The following FAM83H variants were observed in gnomAD, a reference collection of about 807,000 sequenced individuals.
FAM83H encodes the protein scaffolding CK1 anchoring protein H.
In FAM83H, 24 loss-of-function variants were observed where a neutral mutation model predicts 30.2. The ratio of observed to expected loss-of-function variants is 0.79; its 90% CI spans 0.57 to 1.12. FAM83H has a LOEUF of 1.12. Among genes scored for constraint, FAM83H ranks in the 50% most tolerant of loss-of-function variants. FAM83H has a pLI of 0.00. For synonymous variants in FAM83H, 1,013 were observed against 821.7 expected (o/e 1.23, Z -3.98); for missense variants, 2,038 against 1,773.9 (o/e 1.15, Z -2.67).
At chr8:143,732,653 G>A (rs1192982238) in intron 1 of FAM83H, 1 of 985,276 alleles carries the variant, frequency 1.0e-6, no homozygotes, top group African/African-American at 1.7e-5. Flanking sequence ...ACAGGGTGAT[G>A]CCCAGACCTC....
Position 143,726,070 on chromosome 8 carries a change from G to A in FAM83H, c.3391C>T (p.Arg1131Cys). The change falls in exon 5 of 5, where the codon CGC (arginine) becomes TGC (cysteine). Residue 1131 changes from arginine (R) to cysteine (C), a missense_variant. By Grantham distance (180) the Arg-to-Cys change is radical. Coordinates refer to ENST00000388913, the MANE Select transcript of FAM83H (RefSeq NM_198488.5). ...RRMESMRKEK[R>C]VYSRFEVFCK... is the part of the protein sequence containing the mutation. ...AAGACCTCGAAGCGGCTGTACACGC[G>A]CTTCTCCTTGCGCATGCTCTCCATG... 6.2e-7 allele frequency: 1 copy of A among 1,612,016 alleles called. No homozygotes were observed. Among genetic ancestry groups the A allele is most frequent in the Non-Finnish European group, 8.5e-7 (1 of 1,179,664 alleles).
In FAM83H at chr8:143,726,225, A is replaced by G. The variant is rs1554621634; in HGVS notation, c.3236T>C (p.Val1079Ala). 6.2e-7 allele frequency: 1 copy of G among 1,612,232 alleles called. No homozygotes were observed. Among genetic ancestry groups the G allele is most frequent in the East Asian group, 2.2e-5 (1 of 44,866 alleles). The part of the protein sequence containing the change: ...PELGRPPAAG[V>A]LAPDMSDKDK... ...CTTGTCGGACATATCTGGGGCCAGG[A>G]CGCCAGCAGCCGGTGGACGGCCTAG... is the stretch of plus-strand genomic sequence containing the variant. Residue 1079 changes from valine (V) to alanine (A), a missense_variant, in exon 5 of 5, where the codon GTC becomes GCC. Transcript: ENST00000388913.
Position 143,724,496 on chromosome 8 carries a change from G to A in FAM83H, c.*1425C>T, listed in dbSNP as rs1022777042. The A allele has an allele frequency of 2.0e-5, 3 of 152,172 alleles. No homozygotes were observed. Among genetic ancestry groups the A allele is most frequent in the Non-Finnish European group, 4.4e-5 (3 of 68,042 alleles). 9.4% of individuals were successfully genotyped at this position (152,172 alleles called of 1,614,324 possible). A position where few individuals can be genotyped will look rare whatever the true frequency, so the allele number is the denominator to read the frequency against. On this transcript the variant is annotated 3_prime_UTR_variant, in exon 5 of 5. Coordinates refer to ENST00000388913, the MANE Select transcript of FAM83H (RefSeq NM_198488.5). ...TGAGTCAATTGCAATTCCTCTCTAG[G>A]AGTGAAAAGAGATAAAAGATAAGCC...
chr8:143,731,931 G>A (rs1818536793), intron 1 of FAM83H: 1 of 985,348 alleles, frequency 1.0e-6, no homozygotes, highest in Non-Finnish European at 1.2e-6. Flanking sequence ...CTCCCTGGAA[G>A]GAGAGCCCTA....
chr8:143,732,589 G>C, intron 1 of FAM83H: 1 of 985,370 alleles, frequency 1.0e-6, no homozygotes, highest in African/African-American at 1.7e-5. Flanking sequence ...GGACCATCCA[G>C]ACAGTGGAAG....
In FAM83H at chr8:143,725,889, G is replaced by A. The variant is rs1258480942; in HGVS notation, c.*32C>T. 11 of 1,609,152 alleles carry A rather than the reference G, an allele frequency of 6.8e-6. No individual in the cohort carries two copies. The highest frequency in any genetic ancestry group is 9.3e-6 in the Non-Finnish European group (11 of 1,178,240). On this transcript the variant is annotated 3_prime_UTR_variant, in exon 5 of 5. Transcript: ENST00000388913. ...CTGGATGACCGGGGCAGCGATGCGG[G>A]CACCCTGGCCTGGGTTGCCAGGCCA...
chr8:143,730,684 G>T, intron 1 of FAM83H, 87 bp from the exon 2 acceptor site: 2 of 983,252 alleles, frequency 2.0e-6, no homozygotes, highest in Non-Finnish European at 2.9e-6. Flanking sequence ...GGAAAGGGCC[G>T]TCAGTGACTT....
rs782263850 is a variant in FAM83H at position 143,728,182 on chromosome 8, G to A, written c.1279C>T (p.Arg427Trp). The change falls in exon 5 of 5, where the codon CGG (arginine) becomes TGG (tryptophan). Residue 427 changes from arginine (R) to tryptophan (W), a missense_variant. Transcript: ENST00000388913. The stretch of plus-strand genomic sequence containing the variant: ...AGGAACGTCTGCCGCGACACCTGCC[G>A]CGCGGCCGCGAAGTTCTCCACGGCG... ...AGAVENFAAARQVSRQTFLSH... is the reference protein window; with the variant it reads ...AGAVENFAAAWQVSRQTFLSH... The A allele has an allele frequency of 1.9e-6, 3 of 1,605,690 alleles. No homozygotes were observed. The highest frequency in any genetic ancestry group is 1.7e-5 in the Admixed American group (1 of 59,696).
Position 143,727,983 on chromosome 8 carries a change from G to A in FAM83H, c.1478C>T (p.Ala493Val). The A allele has an allele frequency of 6.3e-7, 1 of 1,580,076 alleles. No individual in the cohort carries two copies. Among genetic ancestry groups the A allele is most frequent in the Non-Finnish European group, 8.5e-7 (1 of 1,171,182 alleles). Residue 493 changes from alanine (A) to valine (V), a missense_variant, in exon 5 of 5, where the codon GCC becomes GTC. Coordinates refer to ENST00000388913, the MANE Select transcript of FAM83H (RefSeq NM_198488.5). ...FADPDDFTLG[A>V]GPRFPELGPD... ...TCCGAGCTCCGGGAAGCGGGGCCCGGCGCCCAGGGTGAAGTCATCCGGGTC... is the reference window on the plus strand; with the variant it reads ...TCCGAGCTCCGGGAAGCGGGGCCCGACGCCCAGGGTGAAGTCATCCGGGTC...
At chr8:143,731,130 A>C (rs1297823968) in intron 1 of FAM83H, among the ~76,000 whole-genome samples, 2 of 136,364 alleles carry the variant, frequency 1.5e-5, no homozygotes, top group African/African-American at 3.1e-5. Context: ...CCCCCCCCCC[A>C]AATATTTCAT....
rs782126174 is a variant in FAM83H, at chr8:143,727,484, C to T, written c.1977G>A (p.Glu659=). 1.3e-6 allele frequency: 2 copies of T among 1,569,170 alleles called. No homozygotes were observed. Among genetic ancestry groups the T allele is most frequent in the African/African-American group, 1.3e-5 (1 of 74,418 alleles). The change falls in exon 5 of 5, where the codon GAG becomes GAA. Residue 659 remains glutamate, a synonymous_variant. Transcript: ENST00000388913. The part of the protein sequence containing the change: ...GNGPEREGPE[E]PGLAKQDSFR... ...ATGAGTCCTGCTTGGCCAGGCCAGG[C>T]TCCTCCGGGCCCTCGCGCTCTGGGC...
At chr8:143,728,754 G>C (rs562054326) in intron 4 of FAM83H, 31 bp from the exon 5 acceptor site, 1 of 1,598,452 alleles carries the variant, frequency 6.3e-7, no homozygotes, top group Non-Finnish European at 8.5e-7. Flanking sequence ...GAGTCAAACC[G>C]AGCTGGAGCG....
Position 143,728,233 on chromosome 8 carries a change from G to T in FAM83H, c.1228C>A (p.His410Asn), listed in dbSNP as rs782512164. 6.3e-7 allele frequency: 1 copy of T among 1,587,388 alleles called. No individual in the cohort carries two copies. The highest frequency in any genetic ancestry group is 2.3e-5 in the East Asian group (1 of 43,928). Reference protein sequence around the residue: ...RHLEMDAFKRHSFATEGAGAV... With the variant: ...RHLEMDAFKRNSFATEGAGAV... The stretch of plus-strand genomic sequence containing the variant: ...CCCGCGCCCTCGGTCGCGAAGCTGT[G>T]CCGCTTGAAGGCGTCCATCTCCAGG... Residue 410 changes from histidine (H) to asparagine (N), a missense_variant, in exon 5 of 5, where the codon CAC becomes AAC. Physicochemically the swap from His to Asn is moderately conservative, Grantham distance 68 (BLOSUM62 1). Coordinates refer to ENST00000388913, the MANE Select transcript of FAM83H (RefSeq NM_198488.5).
rs1294039863 is a variant in FAM83H at position 143,724,561 on chromosome 8, G to A, written c.*1360C>T. ...GATTCTTGGTGTTGGTGACAAAGAG[G>A]AAAGGACCTGAGAATGGGGCTGGTG... On this transcript the variant is annotated 3_prime_UTR_variant, in exon 5 of 5. Transcript: ENST00000388913. The A allele has an allele frequency of 6.6e-6, 1 of 152,200 alleles. No homozygotes were observed. Among genetic ancestry groups the A allele is most frequent in the Admixed American group, 6.5e-5 (1 of 15,280 alleles). 9.4% of individuals were successfully genotyped at this position (152,200 alleles called of 1,614,324 possible).
At chr8:143,732,761 CCA>C in intron 1 of FAM83H, 6 of 984,270 alleles carry the variant, frequency 6.1e-6, no homozygotes, top group Non-Finnish European at 6.0e-6. Context: ...ATGGAGCACC[CCA>C]GTGGCCTGCA....
chr8:143,727,473 G>T lies in FAM83H; in HGVS notation c.1988C>A (p.Ala663Asp), dbSNP rs2129668130. ...GCGCGAGCGGAATGAGTCCTGCTTG[G>T]CCAGGCCAGGCTCCTCCGGGCCCTC... is the stretch of plus-strand genomic sequence containing the variant. ...EREGPEEPGLAKQDSFRSRLN... is the reference protein window; with the variant it reads ...EREGPEEPGLDKQDSFRSRLN... The change falls in exon 5 of 5, where the codon GCC becomes GAC. Residue 663 changes from alanine (A) to aspartate (D), a missense_variant. By Grantham distance (126) the Ala-to-Asp change is moderately radical (BLOSUM62 -2). Coordinates refer to ENST00000388913, the MANE Select transcript of FAM83H (RefSeq NM_198488.5). The T allele has an allele frequency of 6.4e-7, 1 of 1,569,712 alleles. No homozygotes were observed. Among genetic ancestry groups the T allele is most frequent in the South Asian group, 1.1e-5 (1 of 88,046 alleles).
chr8:143,725,506 G>A lies in FAM83H; in HGVS notation c.*415C>T, dbSNP rs1238556321. 10 of 241,274 alleles carry A rather than the reference G, an allele frequency of 4.1e-5. No individual in the cohort carries two copies. In the South Asian group the frequency reaches 6.7e-4, roughly 16 times the overall value. 14.9% of individuals were successfully genotyped at this position (241,274 alleles called of 1,614,324 possible). On this transcript the variant is annotated 3_prime_UTR_variant, in exon 5 of 5. Coordinates refer to ENST00000388913, the MANE Select transcript of FAM83H (RefSeq NM_198488.5). ...AGCTACTCAGGAGGCTGAGGCAGGA[G>A]AATCGCTGGAACCCGGGAGGCAGAG...
chr8:143,728,898 T>A, intron 4 of FAM83H, 69 bp downstream of exon 4: 1 of 1,609,160 alleles, frequency 6.2e-7, no homozygotes, highest in Admixed American at 1.7e-5. Flanking sequence ...GGCCCTGGTG[T>A]GGAAAGGGGG....
chr8:143,727,506 G>C lies in FAM83H; in HGVS notation c.1955C>G (p.Pro652Arg). Residue 652 changes from proline (P) to arginine (R), a missense_variant, in exon 5 of 5, where the codon CCA (proline) becomes CGA (arginine). Pro to Arg is a moderately radical substitution (Grantham distance 103, BLOSUM62 -2). Coordinates refer to ENST00000388913, the MANE Select transcript of FAM83H (RefSeq NM_198488.5). The stretch of plus-strand genomic sequence containing the variant: ...AGGCTCCTCCGGGCCCTCGCGCTCT[G>C]GGCCGTTGCCGCCGCTGCCCGGGCC... ...VPGPGSGGNG[P>R]EREGPEEPGL... The C allele has an allele frequency of 1.3e-6, 2 of 1,571,892 alleles. No individual in the cohort carries two copies. The highest frequency in any genetic ancestry group is 1.7e-6 in the Non-Finnish European group (2 of 1,166,514).
Sources: allele counts gnomAD v4.1 joint callset (sites outside exome capture counted in the v4.1 genomes callset), GRCh38; gene constraint gnomAD v4.1.1; transcripts MANE v1.5; gene names NCBI Gene and HGNC (gene_info 2026-07-23, HGNC 2026-07-21).